The following FBXO11 variants were observed in gnomAD, a reference collection of about 807,000 sequenced individuals.
The protein encoded by FBXO11 is F-box protein 11, also known as F-box only protein 11.
Under a neutral mutation model 117.0 loss-of-function variants are expected in FBXO11, and 13 were observed. That is an observed-to-expected ratio of 0.11 (90% CI 0.07 to 0.18). FBXO11 has a LOEUF of 0.18. FBXO11 is among the 10% of genes least tolerant of loss of function. The pLI is 1.00. For missense variants in FBXO11, 767 were observed against 1,164.4 expected (o/e 0.66, Z 4.97); for synonymous variants, 490 against 380.5 (o/e 1.29, Z -3.35).
At chr2:47,845,876 C>T (rs1304473190) in intron 1 of FBXO11, among the ~76,000 whole-genome samples, 1 of 150,780 alleles carries the variant, frequency 6.6e-6, no homozygotes. Flanking sequence ...TGGCTTATCT[C>T]CTACTTTACA....
intron 1 of FBXO11, among the ~76,000 whole-genome samples, chr2:47,854,591 T>G (rs1558444630): frequency 6.6e-6 from 1 of 152,142 alleles, no homozygotes; most frequent in African/African-American, 2.4e-5. Context: ...ATTCTTTGCC[T>G]GCAAAATGAG....
At chr2:47,836,393 T>C (rs1441819180) in intron 4 of FBXO11, among the ~76,000 whole-genome samples, 2 of 152,058 alleles carry the variant, frequency 1.3e-5, no homozygotes, top group Admixed American at 6.6e-5. Flanking sequence ...CTTTGAGACA[T>C]AGTCTATTTC....
Position 47,833,047 on chromosome 2 carries a change from C to T in FBXO11, c.958G>A (p.Val320Ile). ...GAAPGKVADK[V>I]IIENTRDSTF... ...GAATCTCTAGTGTTTTCAATTATAA[C>T]TTTGTCTGCCACTTTCCCAGGTGCT... is the stretch of plus-strand genomic sequence containing the variant. The change falls in exon 8 of 23, where the codon GTT becomes ATT. Residue 320 changes from valine (V) to isoleucine (I), a missense_variant. Around this residue, in one of 10 missense-constraint regions of FBXO11, gnomAD observed 123 missense variants for 145.0 expected, o/e 0.85. Transcript: ENST00000403359. The T allele has an allele frequency of 4.3e-6, 7 of 1,613,176 alleles. No homozygotes were observed. Among genetic ancestry groups the T allele is most frequent in the Non-Finnish European group, 5.9e-6 (7 of 1,179,508 alleles).
intron 1 of FBXO11, among the ~76,000 whole-genome samples, chr2:47,882,180 C>T (rs772069074): frequency 6.6e-6 from 1 of 152,224 alleles, no homozygotes; most frequent in Non-Finnish European, 1.5e-5. Flanking sequence ...TCTCTGAGTA[C>T]TATTTGTTCC....
intron 1 of FBXO11, among the ~76,000 whole-genome samples, chr2:47,876,778 G>C (rs976200823): frequency 2.0e-5 from 3 of 152,136 alleles, no homozygotes; most frequent in African/African-American, 7.2e-5. Context: ...TGAAAACTCA[G>C]TTCAATATGA....
At chr2:47,877,129 C>T (rs547596067) in intron 1 of FBXO11, among the ~76,000 whole-genome samples, 10 of 151,798 alleles carry the variant, frequency 6.6e-5, no homozygotes, top group African/African-American at 2.2e-4. Flanking sequence ...TGGGCTTAAG[C>T]GATCCTCCCA....
chr2:47,884,997 A>T (rs1431596441), intron 1 of FBXO11, among the ~76,000 whole-genome samples: 2 of 152,214 alleles, frequency 1.3e-5, no homozygotes, highest in African/African-American at 4.8e-5. Flanking sequence ...AGAATATAGC[A>T]ACTTCATTAC....
At chr2:47,905,351 G>T (rs747092225) in intron 1 of FBXO11, 138 bp downstream of exon 1, 2 of 911,702 alleles carry the variant, frequency 2.2e-6, no homozygotes, top group Non-Finnish European at 2.8e-6. Context: ...GGCACCGGGG[G>T]ACCCGCCTCC....
At chr2:47,874,531 AT>A (rs1276705095) in intron 1 of FBXO11, among the ~76,000 whole-genome samples, 2 of 152,034 alleles carry the variant, frequency 1.3e-5, no homozygotes, top group Non-Finnish European at 2.9e-5. Flanking sequence ...ACCGTACAAA[AT>A]TTAAAAAAAA....
intron 1 of FBXO11, among the ~76,000 whole-genome samples, chr2:47,863,248 G>A (rs926682363): frequency 1.3e-5 from 2 of 152,130 alleles, no homozygotes; most frequent in Non-Finnish European, 2.9e-5. Context: ...GAGAGCTAAT[G>A]AGCTAATTAT....
chr2:47,815,829 C>G (rs1402762391), intron 16 of FBXO11, among the ~76,000 whole-genome samples: 2 of 152,192 alleles, frequency 1.3e-5, no homozygotes, highest in East Asian at 3.9e-4. Flanking sequence ...GGGCCAGAAG[C>G]TCACAATATC....
chr2:47,840,977 T>A (rs565314342), intron 1 of FBXO11, among the ~76,000 whole-genome samples: 1 of 151,988 alleles, frequency 6.6e-6, no homozygotes, highest in South Asian at 2.1e-4. Flanking sequence ...GGTGGGCGGA[T>A]CACGAGGTCA....
intron 1 of FBXO11, among the ~76,000 whole-genome samples, chr2:47,839,995 G>A (rs939697655): frequency 1.3e-5 from 2 of 151,846 alleles, no homozygotes. Flanking sequence ...CCAGGCTGGA[G>A]TGCAGTGGCG....
intron 1 of FBXO11, among the ~76,000 whole-genome samples, chr2:47,840,188 T>G (rs1421282737): frequency 6.6e-5 from 10 of 151,698 alleles, no homozygotes; most frequent in Admixed American, 4.6e-4. Context: ...CGTGATCCAC[T>G]CACCTCGGCC....
intron 11 of FBXO11, among the ~76,000 whole-genome samples, chr2:47,827,662 T>C (rs931360264): frequency 1.3e-5 from 2 of 151,822 alleles, no homozygotes; most frequent in Admixed American, 6.6e-5. Flanking sequence ...ATACCTCTAG[T>C]ACAAAATAAA....
At position 47,809,589 on chromosome 2, in the gene FBXO11, C is replaced by G; in HGVS notation, c.2446+11G>C. ...TGCATATATTTATAGGTATAGCAGACTCCAACATACCTTTCATTGTCACAT... is the reference window on the plus strand; with the variant it reads ...TGCATATATTTATAGGTATAGCAGAGTCCAACATACCTTTCATTGTCACAT... On this transcript the variant is annotated intron_variant, in intron 20 of 22. Coordinates refer to ENST00000403359, the MANE Select transcript of FBXO11 (RefSeq NM_001190274.2). 1 of 1,587,810 alleles carries G rather than the reference C, an allele frequency of 6.3e-7. No homozygotes were observed.
Position 47,839,682 on chromosome 2 carries a change from A to C in FBXO11, c.320T>G (p.Leu107Trp). 6.2e-7 allele frequency: 1 copy of C among 1,614,146 alleles called. No homozygotes were observed. Among genetic ancestry groups the C allele is most frequent in the African/African-American group, 1.3e-5 (1 of 75,052 alleles). ...TGTGGGACACGCTGTTCTTTTCGGCAAAAGAGTTTTTCTACGAAGTTGGTA... is the reference window on the plus strand; with the variant it reads ...TGTGGGACACGCTGTTCTTTTCGGCCAAAGAGTTTTTCTACGAAGTTGGTA... ...SPYQLRRKTL[L>W]PKRTACPTKN... is the part of the protein sequence containing the mutation. The change falls in exon 2 of 23, where the codon TTG becomes TGG. Residue 107 changes from leucine (L) to tryptophan (W), a missense_variant. Coordinates refer to ENST00000403359, the MANE Select transcript of FBXO11 (RefSeq NM_001190274.2).
In FBXO11 at chr2:47,838,874, T is replaced by A; in HGVS notation, c.572A>T (p.Asn191Ile). The change falls in exon 4 of 23, where the codon AAT becomes ATT. Residue 191 changes from asparagine to isoleucine, a missense_variant. Asn to Ile is a moderately radical substitution (Grantham distance 149). Transcript: ENST00000403359. ...TTTTACTTACCACAAAATTGGATCA[T>A]TAGCAAGTTCACTGAAGCGTTTACA... ...CVCKRFSELANDPILWKRLYM... is the reference protein window; with the variant it reads ...CVCKRFSELAIDPILWKRLYM... 1.2e-6 allele frequency: 2 copies of A among 1,613,660 alleles called. No homozygotes were observed. Among genetic ancestry groups the A allele is most frequent in the Non-Finnish European group, 1.7e-6 (2 of 1,179,772 alleles).
At chr2:47,879,096 A>T (rs1329817056) in intron 1 of FBXO11, among the ~76,000 whole-genome samples, 1 of 152,186 alleles carries the variant, frequency 6.6e-6, no homozygotes, top group Admixed American at 6.5e-5. Context: ...TAAAAAAAAT[A>T]TGAATATAAA....
Sources: allele counts gnomAD v4.1 joint callset (sites outside exome capture counted in the v4.1 genomes callset), GRCh38; gene constraint gnomAD v4.1.1; regional missense constraint gnomAD v4.1.1; transcripts MANE v1.5; gene names NCBI Gene and HGNC (gene_info 2026-07-23, HGNC 2026-07-21).